The following PLCB1 variants were observed in gnomAD, a reference collection of about 807,000 sequenced individuals.
The protein encoded by PLCB1 is phospholipase C beta 1, also known as 1-phosphatidylinositol 4,5-bisphosphate phosphodiesterase beta-1.
Under a neutral mutation model 161.8 loss-of-function variants are expected in PLCB1, and 46 were observed. The ratio of observed to expected loss-of-function variants is 0.28; its 90% CI spans 0.22 to 0.36. The LOEUF is 0.36. Among genes scored for constraint, PLCB1 ranks in the 10% least tolerant of loss-of-function variants. PLCB1 has a pLI of 1.00. For synonymous variants in PLCB1, 517 were observed against 503.7 expected (o/e 1.03, Z -0.35); for missense variants, 1,016 against 1,472.5 (o/e 0.69, Z 5.07).
intron 3 of PLCB1, among the ~76,000 whole-genome samples, chr20:8,458,702 A>G (rs1052077117): frequency 3.3e-5 from 5 of 152,182 alleles, no homozygotes; most frequent in African/African-American, 1.2e-4. Context: ...CCTGTCTGGG[A>G]TGAAAGACAT....
chr20:8,452,037 G>C (rs779958507), intron 3 of PLCB1, among the ~76,000 whole-genome samples: 1 of 152,104 alleles, frequency 6.6e-6, no homozygotes, highest in Non-Finnish European at 1.5e-5. Flanking sequence ...AATGAAAATA[G>C]CTGAGAGATT....
At chr20:8,206,269 T>C (rs1978523684) in intron 2 of PLCB1, among the ~76,000 whole-genome samples, 1 of 152,194 alleles carries the variant, frequency 6.6e-6, no homozygotes, top group Non-Finnish European at 1.5e-5. Context: ...CCCATTTTCC[T>C]GCATTTCTCA....
chr20:8,700,848 C>T (rs1838819689), intron 11 of PLCB1, among the ~76,000 whole-genome samples: 1 of 152,192 alleles, frequency 6.6e-6, no homozygotes, highest in African/African-American at 2.4e-5. Flanking sequence ...GCAGGATAGA[C>T]AGTTCTGGCT....
intron 2 of PLCB1, among the ~76,000 whole-genome samples, chr20:8,334,276 A>G (rs983459949): frequency 6.6e-6 from 1 of 152,196 alleles, no homozygotes; most frequent in African/African-American, 2.4e-5. Context: ...GTTAACAACT[A>G]TGATTCGAGG....
intron 3 of PLCB1, among the ~76,000 whole-genome samples, chr20:8,426,652 T>C (rs1423802112): frequency 2.0e-5 from 3 of 152,134 alleles, no homozygotes; most frequent in African/African-American, 7.2e-5. Flanking sequence ...AACTGTATGG[T>C]ATTGGGGTTC....
At chr20:8,146,862 G>A (rs958882233) in intron 1 of PLCB1, among the ~76,000 whole-genome samples, 6 of 152,112 alleles carry the variant, frequency 3.9e-5, no homozygotes, top group African/African-American at 1.4e-4. Context: ...ATCAAATAAA[G>A]AGCAGCAAGT....
At chr20:8,601,318 C>T (rs1169035495) in intron 3 of PLCB1, among the ~76,000 whole-genome samples, 3 of 152,086 alleles carry the variant, frequency 2.0e-5, no homozygotes, top group African/African-American at 4.8e-5. Flanking sequence ...ATTTCATCTC[C>T]GAGGTATTAA....
chr20:8,658,789 C>T (rs1207395932), intron 9 of PLCB1, 85 bp downstream of exon 9: 9 of 1,146,190 alleles, frequency 7.9e-6, no homozygotes, highest in African/African-American at 4.7e-5. Flanking sequence ...CACCAGTGAT[C>T]GTTAGGTTAG....
At position 8,748,153 on chromosome 20, in the gene PLCB1, A is replaced by C. The variant is rs1211999021; in HGVS notation, c.2523+6580A>C. 2.0e-5 allele frequency among the ~76,000 whole-genome samples: 3 copies of C among 152,230 alleles called. No homozygotes were observed. The East Asian group carries it at 5.8e-4, about 29-fold the overall frequency. ...AAAATCCCTGAACTTTAAAGCATCC[A>C]ATACAGTAAAAAGAAAAGGTTTTCC... On this transcript the variant is annotated intron_variant, in intron 23 of 31. Transcript: ENST00000338037.
At position 8,804,232 on chromosome 20, in the gene PLCB1, A is replaced by G. The variant is rs184288492; in HGVS notation, c.3423+13971A>G. On this transcript the variant is annotated intron_variant, in intron 31 of 31. Transcript: ENST00000338037. ...GGTTTTATTTTTCAAAACAAATGCAATAGAGACAAAAATGCTGCATTTTTG... is the reference window on the plus strand; with the variant it reads ...GGTTTTATTTTTCAAAACAAATGCAGTAGAGACAAAAATGCTGCATTTTTG... 6.6e-5 allele frequency among the ~76,000 whole-genome samples: 10 copies of G among 152,346 alleles called. No individual in the cohort carries two copies. The East Asian group carries it at 1.9e-3, about 29-fold the overall frequency.
chr20:8,402,130 C>T (rs1978582127), intron 3 of PLCB1, among the ~76,000 whole-genome samples: 1 of 151,986 alleles, frequency 6.6e-6, no homozygotes, highest in African/African-American at 2.4e-5. Flanking sequence ...ATATATATTA[C>T]TTGGTATAGT....
rs180885635 is a variant in PLCB1, at chr20:8,390,289, C to T, written c.246+18839C>T. 1.7e-4 allele frequency among the ~76,000 whole-genome samples: 26 copies of T among 152,304 alleles called. No homozygotes were observed. In the East Asian group the frequency reaches 4.2e-3, roughly 25 times the overall value. On this transcript the variant is annotated intron_variant, in intron 3 of 31. Transcript: ENST00000338037. ...GATGGCTGCCTTCCCCGCATCTTCA[C>T]GTGGTCCTCCCTCTGTTTCTATTCC... is the stretch of plus-strand genomic sequence containing the variant.
chr20:8,296,423 A>G (rs1325436886), intron 2 of PLCB1, among the ~76,000 whole-genome samples: 7 of 152,192 alleles, frequency 4.6e-5, no homozygotes, highest in Non-Finnish European at 8.8e-5. Flanking sequence ...GTGGGGAACA[A>G]GGACAAGTAT....
intron 2 of PLCB1, among the ~76,000 whole-genome samples, chr20:8,341,756 A>G (rs957619711): frequency 6.6e-6 from 1 of 152,204 alleles, no homozygotes; most frequent in African/African-American, 2.4e-5. Context: ...CACATTTGTC[A>G]ATAATGATCC....
chr20:8,180,723 G>C (rs1487289350), intron 2 of PLCB1, among the ~76,000 whole-genome samples: 1 of 152,076 alleles, frequency 6.6e-6, no homozygotes, highest in East Asian at 1.9e-4. Context: ...GGTTAACTCA[G>C]AAGAATATAT....
chr20:8,441,231 T>A (rs983154362), intron 3 of PLCB1, among the ~76,000 whole-genome samples: 1 of 152,216 alleles, frequency 6.6e-6, no homozygotes, highest in Non-Finnish European at 1.5e-5. Flanking sequence ...GCATTAGGCA[T>A]CTATGGTTAG....
At chr20:8,871,691 T>C (rs570461135) in intron 31 of PLCB1, among the ~76,000 whole-genome samples, 2 of 152,202 alleles carry the variant, frequency 1.3e-5, no homozygotes, top group East Asian at 3.9e-4. Flanking sequence ...AAAACCAGAA[T>C]ATAGTCCCAA....
chr20:8,430,684 G>T (rs1980001007), intron 3 of PLCB1, among the ~76,000 whole-genome samples: 1 of 152,198 alleles, frequency 6.6e-6, no homozygotes. Context: ...CCGGTACCAT[G>T]GTTCTTGCCT....
At chr20:8,426,610 C>G (rs1207610141) in intron 3 of PLCB1, among the ~76,000 whole-genome samples, 1 of 152,164 alleles carries the variant, frequency 6.6e-6, no homozygotes, top group Non-Finnish European at 1.5e-5. Flanking sequence ...GTCTAGAAAT[C>G]TCATTTACAA....
Sources: gnomAD v4.1 joint callset for allele counts (sites outside exome capture counted in the v4.1 genomes callset) on GRCh38, gnomAD v4.1.1 for gene constraint, MANE v1.5 for transcripts, NCBI Gene and HGNC (gene_info 2026-07-23, HGNC 2026-07-21) for gene names.